Variants in TBC1D12 observed in about 807,000 individuals in gnomAD.
TBC1D12 encodes TBC1 domain family member 12.
TBC1D12 carries 56 observed loss-of-function variants against 86.7 expected under a neutral mutation model. That is an observed-to-expected ratio of 0.65 (90% CI 0.52 to 0.81). TBC1D12 has a LOEUF of 0.81. Ranked by LOEUF, TBC1D12 falls within the 30% of genes least tolerant of loss-of-function variation. The pLI, the probability that TBC1D12 is intolerant of heterozygous loss-of-function variation, is 0.00. For synonymous variants in TBC1D12, 421 were observed against 411.7 expected, an observed-to-expected ratio of 1.02 and a Z score of -0.27; for missense variants, 1,023 against 1,038.8, an observed-to-expected ratio of 0.98 and a Z score of 0.21.
intron 6 of TBC1D12, 32 bp downstream of exon 6, chr10:94,500,359 G>A: frequency 6.3e-7 from 1 of 1,580,556 alleles, no homozygotes; most frequent in Non-Finnish European, 8.7e-7. Flanking sequence ...ATTCCCACAT[G>A]TACAAATAGC....
chr10:94,476,543 G>A (rs1280212478), intron 3 of TBC1D12, among the ~76,000 whole-genome samples: 2 of 152,120 alleles, frequency 1.3e-5, no homozygotes, highest in Non-Finnish European at 2.9e-5. Context: ...AGAGTGGTTA[G>A]ATAAACAAGA....
At chr10:94,430,661 A>G (rs1010855193) in intron 1 of TBC1D12, among the ~76,000 whole-genome samples, 3 of 152,180 alleles carry the variant, frequency 2.0e-5, no homozygotes, top group African/African-American at 4.8e-5. Flanking sequence ...ATGTGAAGCA[A>G]ATGTTAACAT....
intron 2 of TBC1D12, among the ~76,000 whole-genome samples, chr10:94,469,109 A>G (rs531838874): frequency 1.3e-5 from 2 of 152,354 alleles, no homozygotes; most frequent in South Asian, 2.1e-4. Flanking sequence ...ACTGATGCAC[A>G]AGAAGCTTAA....
At chr10:94,512,182 T>C (rs748902389) in intron 9 of TBC1D12, among the ~76,000 whole-genome samples, 2 of 152,234 alleles carry the variant, frequency 1.3e-5, no homozygotes, top group Non-Finnish European at 1.5e-5. Flanking sequence ...CCTCTGTAGA[T>C]ATTTTAGTTT....
intron 1 of TBC1D12, among the ~76,000 whole-genome samples, chr10:94,432,353 A>G (rs1412120385): frequency 1.3e-5 from 2 of 152,148 alleles, no homozygotes; most frequent in Non-Finnish European, 2.9e-5. Flanking sequence ...AGTAGTGATT[A>G]TTTTCCTAGG....
In TBC1D12 at chr10:94,414,914, A is replaced by G. The variant is rs556759747; in HGVS notation, c.971+11330A>G. ...TATTTTTTAATAACAGGTTGTACAT[A>G]TAAAGTTTAATTTAGGCTCTAAAAG... On this transcript the variant is annotated intron_variant, in intron 1 of 12. Coordinates refer to ENST00000225235, the MANE Select transcript of TBC1D12 (RefSeq NM_015188.2). Among the ~76,000 whole-genome samples the G allele has an allele frequency of 6.6e-5, 10 of 152,302 alleles. No homozygotes were observed. The South Asian group carries it at 2.1e-3, about 32-fold the overall frequency.
intron 1 of TBC1D12, among the ~76,000 whole-genome samples, chr10:94,410,633 G>C: frequency 6.6e-6 from 1 of 152,266 alleles, no homozygotes; most frequent in East Asian, 1.9e-4. Flanking sequence ...TCCAAAGTCA[G>C]ATAGCTAATT....
At chr10:94,453,108 T>G (rs574717478) in intron 2 of TBC1D12, among the ~76,000 whole-genome samples, 11 of 152,344 alleles carry the variant, frequency 7.2e-5, no homozygotes, top group African/African-American at 2.6e-4. Context: ...TTTGCTCATG[T>G]TAAAATCAGA....
At chr10:94,512,409 T>C (rs1305736754) in intron 9 of TBC1D12, among the ~76,000 whole-genome samples, 1 of 152,218 alleles carries the variant, frequency 6.6e-6, no homozygotes, top group Non-Finnish European at 1.5e-5. Context: ...TGCCTTAAAA[T>C]AGAAGAATGT....
At chr10:94,447,842 A>T (rs2055492790) in intron 2 of TBC1D12, among the ~76,000 whole-genome samples, 1 of 149,662 alleles carries the variant, frequency 6.7e-6, no homozygotes, top group South Asian at 2.2e-4. Flanking sequence ...TTTCAAATGA[A>T]CCATGTTATA....
rs549178338 is a variant in TBC1D12 at position 94,524,657 on chromosome 10, T to G, written c.2000+2204T>G. Among the ~76,000 whole-genome samples the G allele has an allele frequency of 7.3e-5, 11 of 151,158 alleles. No homozygotes were observed. The East Asian group carries it at 2.2e-3, about 30-fold the overall frequency. On this transcript the variant is annotated intron_variant, in intron 11 of 12. Transcript: ENST00000225235. ...GGGAGGCTGAGGTTGGAGAATCCCT[T>G]GAACCAGGGAGTTGGAGGTTGCAGT...
rs71031585 is a variant in TBC1D12, at chr10:94,531,862, ATATGT to A, written c.2259+446_2259+450del. Among the ~76,000 whole-genome samples the A allele has an allele frequency of 7.8e-3, 648 of 83,286 alleles. 11 individuals are homozygous for A. Among genetic ancestry groups the A allele is most frequent in the South Asian group, 0.035 (87 of 2,462 alleles). The allele number at this position is 83,286 out of a possible 152,430, so 54.6% of individuals were successfully genotyped here. On this transcript the variant is annotated intron_variant, in intron 12 of 12. Coordinates refer to ENST00000225235, the MANE Select transcript of TBC1D12 (RefSeq NM_015188.2). ...ATTTTATTTTATGTTATTTTATTTT[ATATGT>A]TATGTTATGTTATGTTATGTTATGT...
intron 1 of TBC1D12, among the ~76,000 whole-genome samples, chr10:94,436,694 T>C (rs1047989124): frequency 1.3e-5 from 2 of 152,134 alleles, no homozygotes; most frequent in African/African-American, 4.8e-5. Flanking sequence ...TCACATACCT[T>C]GTATTTTCTT....
intron 9 of TBC1D12, among the ~76,000 whole-genome samples, chr10:94,515,985 C>T (rs2056586995): frequency 6.6e-6 from 1 of 152,170 alleles, no homozygotes; most frequent in African/African-American, 2.4e-5. Context: ...CCAGATTTTA[C>T]CACCCTATTT....
chr10:94,507,192 A>G, intron 6 of TBC1D12, 75 bp from the exon 7 acceptor site: 1 of 1,435,204 alleles, frequency 7.0e-7, no homozygotes, highest in Non-Finnish European at 9.6e-7. Context: ...TAATAGGTAA[A>G]GAGTAAAAAT....
At chr10:94,440,952 C>T (rs1003761402) in intron 1 of TBC1D12, among the ~76,000 whole-genome samples, 2 of 152,194 alleles carry the variant, frequency 1.3e-5, no homozygotes, top group Admixed American at 6.5e-5. Context: ...AGGGTTCAAG[C>T]GATTCTCCTG....
rs114701586 is a variant in TBC1D12, at chr10:94,428,095, A to G, written c.972-13801A>G. Among the ~76,000 whole-genome samples, 683 of 152,142 alleles carry G rather than the reference A, an allele frequency of 4.5e-3. 6 individuals carry two copies. Among genetic ancestry groups the G allele is most frequent in the African/African-American group, 0.015 (634 of 41,524 alleles). On this transcript the variant is annotated intron_variant, in intron 1 of 12. Coordinates refer to ENST00000225235, the MANE Select transcript of TBC1D12 (RefSeq NM_015188.2). ...TTACATCTTGATTGTTGTATGGAGG[A>G]CATGAACAATATGAATGTGATTAAA...
At chr10:94,467,287 C>T (rs1012492917) in intron 2 of TBC1D12, among the ~76,000 whole-genome samples, 2 of 152,058 alleles carry the variant, frequency 1.3e-5, no homozygotes, top group African/African-American at 2.4e-5. Flanking sequence ...GGCTGGAGTG[C>T]GGTGGCGCTA....
intron 3 of TBC1D12, among the ~76,000 whole-genome samples, chr10:94,485,189 G>T (rs543113317): frequency 6.6e-6 from 1 of 152,030 alleles, no homozygotes; most frequent in Non-Finnish European, 1.5e-5. Context: ...TAGAAGAAAC[G>T]CTTCAGTTTT....
Sources: gnomAD v4.1 joint callset for allele counts (sites outside exome capture counted in the v4.1 genomes callset) on GRCh38, gnomAD v4.1.1 for gene constraint, MANE v1.5 for transcripts, NCBI Gene and HGNC (gene_info 2026-07-23, HGNC 2026-07-21) for gene names.